The following LOXL1 variants were observed in gnomAD, a reference collection of about 807,000 sequenced individuals.
The protein encoded by LOXL1 is lysyl oxidase homolog 1.
LOXL1 carries 31 observed loss-of-function variants against 62.2 expected under a neutral mutation model. The ratio of observed to expected loss-of-function variants is 0.50; its 90% CI spans 0.37 to 0.67. LOXL1 has a LOEUF of 0.67. Among genes scored for constraint, LOXL1 ranks in the 30% least tolerant of loss-of-function variants. The probability of loss-of-function intolerance (pLI) is 0.00; values close to 1 mark genes in which losing one functional copy is unlikely to be tolerated. For synonymous variants in LOXL1, 403 were observed against 384.4 expected, an observed-to-expected ratio of 1.05 and a Z score of -0.56; for missense variants, 775 against 843.4, an observed-to-expected ratio of 0.92 and a Z score of 1.00.
chr15:73,939,237 G>A (rs2068697041), intron 1 of LOXL1, among the ~76,000 whole-genome samples: 1 of 152,206 alleles, frequency 6.6e-6, no homozygotes, highest in Non-Finnish European at 1.5e-5. Flanking sequence ...CCCTGGGAGA[G>A]CTGCCCAGAG....
chr15:73,927,838 G>T lies in LOXL1; in HGVS notation c.1055G>T (p.Gly352Val). The change falls in exon 1 of 7, where the codon GGC becomes GTC. Residue 352 changes from glycine (G) to valine (V), a missense_variant. By Grantham distance (109) the Gly-to-Val change is moderately radical. Coordinates refer to ENST00000261921, the MANE Select transcript of LOXL1 (RefSeq NM_005576.4). ...GGGGAGCGGAACGGCGCGCAGCAGG[G>T]CCGCCTCAGCGTGGGCAGCGTGTAC... Reference protein sequence around the residue: ...PGGERNGAQQGRLSVGSVYRP... With the variant: ...PGGERNGAQQVRLSVGSVYRP... 1 of 1,344,076 alleles carries T rather than the reference G, an allele frequency of 7.4e-7. No homozygotes were observed. 83.3% of individuals were successfully genotyped at this position (1,344,076 alleles called of 1,614,324 possible). A position where few individuals can be genotyped will look rare whatever the true frequency, so the allele number is the denominator to read the frequency against.
In LOXL1 at chr15:73,942,977, C is replaced by T; in HGVS notation, c.1211+15C>T. ...TGTCTGGCCAGGTAAGGAGCTGAGG[C>T]AGAAGTGTAGAGTGTTGGGATAGTC... On this transcript the variant is annotated intron_variant, in intron 2 of 6. Coordinates refer to ENST00000261921, the MANE Select transcript of LOXL1 (RefSeq NM_005576.4). The T allele has an allele frequency of 6.3e-7, 1 of 1,595,056 alleles. No homozygotes were observed. The highest frequency in any genetic ancestry group is 8.6e-7 in the Non-Finnish European group (1 of 1,162,834).
At chr15:73,949,725 C>T (rs763413789) in intron 6 of LOXL1, 151 bp downstream of exon 6, 22 of 636,652 alleles carry the variant, frequency 3.5e-5, no homozygotes, top group Admixed American at 3.1e-4. Context: ...GAGCCTTGTC[C>T]GTGCCAACCC....
chr15:73,946,320 A>C, intron 2 of LOXL1, 97 bp from the exon 3 acceptor site: 1 of 826,684 alleles, frequency 1.2e-6, no homozygotes, highest in South Asian at 1.6e-5. Context: ...CTGCAGAACC[A>C]GTGGCCAAGG....
At chr15:73,946,337 G>GGT in intron 2 of LOXL1, 80 bp from the exon 3 acceptor site, 2 of 994,380 alleles carry the variant, frequency 2.0e-6, no homozygotes, top group South Asian at 2.8e-5. Context: ...AAGGGCTGGG[G>GGT]GTGGGGCTGA....
intron 2 of LOXL1, 161 bp from the exon 3 acceptor site, chr15:73,946,256 T>G: frequency 1.7e-6 from 1 of 605,574 alleles, no homozygotes; most frequent in South Asian, 2.0e-5. Flanking sequence ...GGCCTGAGCC[T>G]CCGCCACAGT....
intron 6 of LOXL1, among the ~76,000 whole-genome samples, chr15:73,950,611 G>A (rs1479176033): frequency 6.6e-6 from 1 of 152,152 alleles, no homozygotes; most frequent in African/African-American, 2.4e-5. Context: ...CCCAGTGTGT[G>A]ACCAGGGTCA....
Position 73,926,987 on chromosome 15 carries a change from C to G in LOXL1, c.204C>G (p.Arg68=). ...GSEYVPAGPQ[R]SESSSRVLLA... ...AGTACGTGCCGGCCGGACCTCAGCG[C>G]TCCGAGAGTAGCTCCCGGGTGCTGC... Residue 68 remains arginine, a synonymous_variant, in exon 1 of 7, where the codon CGC becomes CGG. Coordinates refer to ENST00000261921, the MANE Select transcript of LOXL1 (RefSeq NM_005576.4). 2.0e-6 allele frequency: 3 copies of G among 1,492,402 alleles called. No homozygotes were observed. The highest frequency in any genetic ancestry group is 2.7e-6 in the Non-Finnish European group (3 of 1,115,512). The allele number at this position is 1,492,402 out of a possible 1,614,324, so 92.4% of individuals were successfully genotyped here.
intron 1 of LOXL1, among the ~76,000 whole-genome samples, chr15:73,933,308 G>A (rs2068647768): frequency 6.6e-6 from 1 of 152,208 alleles, no homozygotes; most frequent in African/African-American, 2.4e-5. Flanking sequence ...TAGGCTGACT[G>A]TCCAATCCAG....
rs779657701 is a variant in LOXL1 at position 73,927,208 on chromosome 15, C to G, written c.425C>G (p.Ala142Gly). The G allele has an allele frequency of 1.3e-6, 2 of 1,593,262 alleles. No individual in the cohort carries two copies. The highest frequency in any genetic ancestry group is 1.7e-5 in the Admixed American group (1 of 59,072). ...AVGDSTGMARARTSVSQQRHG... is the reference protein window; with the variant it reads ...AVGDSTGMARGRTSVSQQRHG... Reference sequence around the variant, plus strand: ...GGGGACAGCACGGGCATGGCCCGGGCCCGCACCTCCGTCTCCCAGCAACGG... The same window carrying G: ...GGGGACAGCACGGGCATGGCCCGGGGCCGCACCTCCGTCTCCCAGCAACGG... Residue 142 changes from alanine to glycine, a missense_variant, in exon 1 of 7, where the codon GCC (alanine) becomes GGC (glycine). Coordinates refer to ENST00000261921, the MANE Select transcript of LOXL1 (RefSeq NM_005576.4).
rs773867974 is a variant in LOXL1, at chr15:73,947,875, C to T, written c.1575C>T (p.Asp525=). 9 of 1,613,712 alleles carry T rather than the reference C, an allele frequency of 5.6e-6. No homozygotes were observed. The East Asian group carries it at 1.1e-4, about 20-fold the overall frequency. Residue 525 remains aspartate, a synonymous_variant, in exon 5 of 7, where the codon GAC becomes GAT. Coordinates refer to ENST00000261921, the MANE Select transcript of LOXL1 (RefSeq NM_005576.4). ...ACTGCCAGTGGATCGACATAACCGA[C>T]GTGCAGCCTGGGAACTACATCCTCA... is the stretch of plus-strand genomic sequence containing the variant. ...DIDCQWIDIT[D]VQPGNYILKV... is the part of the protein sequence containing the mutation.
chr15:73,929,686 C>T (rs1281688708), intron 1 of LOXL1, among the ~76,000 whole-genome samples: 1 of 152,226 alleles, frequency 6.6e-6, no homozygotes, highest in South Asian at 2.1e-4. Context: ...TGCAGAAGGG[C>T]GCATTATAGC....
chr15:73,947,935 C>T, intron 5 of LOXL1, 33 bp downstream of exon 5: 1 of 1,517,788 alleles, frequency 6.6e-7, no homozygotes, highest in Admixed American at 1.7e-5. Context: ...TTCCCTCCAA[C>T]CTGATGTTCA....
At chr15:73,929,020 G>A (rs971359756) in intron 1 of LOXL1, among the ~76,000 whole-genome samples, 1 of 152,200 alleles carries the variant, frequency 6.6e-6, no homozygotes, top group East Asian at 1.9e-4. Flanking sequence ...CTCTGCACAT[G>A]AGGACACAGT....
intron 1 of LOXL1, among the ~76,000 whole-genome samples, chr15:73,935,271 A>G (rs1214843148): frequency 1.3e-5 from 2 of 152,110 alleles, no homozygotes; most frequent in Non-Finnish European, 2.9e-5. Flanking sequence ...GAGTGGTAGC[A>G]ATGGAGGAAG....
chr15:73,949,674 C>T (rs952911583), intron 6 of LOXL1, 100 bp downstream of exon 6: 2 of 784,318 alleles, frequency 2.5e-6, no homozygotes, highest in Non-Finnish European at 2.2e-6. Context: ...CTTTAGGTCA[C>T]CTTGATGGCC....
Position 73,927,894 on chromosome 15 carries a change from G to T in LOXL1, c.1102+9G>T. 1 of 1,304,302 alleles carries T rather than the reference G, an allele frequency of 7.7e-7. No homozygotes were observed. The highest frequency in any genetic ancestry group is 9.7e-7 in the Non-Finnish European group (1 of 1,032,004). The allele number at this position is 1,304,302 out of a possible 1,614,324, so 80.8% of individuals were successfully genotyped here. A position where few individuals can be genotyped will look rare whatever the true frequency, so the allele number is the denominator to read the frequency against. ...CAACCAGAACGGCCGCGGTGAGTAC[G>T]GCCCCGGCGCCCCTCCGGCCGCGCG... On this transcript the variant is annotated intron_variant, in intron 1 of 6. Transcript: ENST00000261921.
At chr15:73,941,211 GC>G (rs2068711425) in intron 1 of LOXL1, among the ~76,000 whole-genome samples, 1 of 152,152 alleles carries the variant, frequency 6.6e-6, no homozygotes, top group South Asian at 2.1e-4. Context: ...AAGTAACAGG[GC>G]CTAGGCTGGC....
rs2068598877 is a variant in LOXL1, at chr15:73,927,754, C to G, written c.971C>G (p.Pro324Arg). The change falls in exon 1 of 7, where the codon CCG becomes CGG. Residue 324 changes from proline to arginine, a missense_variant. By Grantham distance (103) the Pro-to-Arg change is moderately radical. Transcript: ENST00000261921. ...ANPPPEAYGPPRALEPPYLPV... is the reference protein window; with the variant it reads ...ANPPPEAYGPRRALEPPYLPV... ...CCGCCGCCCGAGGCGTACGGGCCGC[C>G]GCGCGCGCTGGAGCCGCCCTACCTG... is the stretch of plus-strand genomic sequence containing the variant. 5 of 1,450,366 alleles carry G rather than the reference C, an allele frequency of 3.4e-6. No individual in the cohort carries two copies. Among genetic ancestry groups the G allele is most frequent in the Non-Finnish European group, 3.6e-6 (4 of 1,107,552 alleles). 89.8% of individuals were successfully genotyped at this position (1,450,366 alleles called of 1,614,324 possible). A position where few individuals can be genotyped will look rare whatever the true frequency, so the allele number is the denominator to read the frequency against.
Sources: gnomAD v4.1 joint callset for allele counts (sites outside exome capture counted in the v4.1 genomes callset) on GRCh38, gnomAD v4.1.1 for gene constraint, MANE v1.5 for transcripts, NCBI Gene and HGNC (gene_info 2026-07-23, HGNC 2026-07-21) for gene names.